The following ZNF84 variants were observed in gnomAD, a reference collection of about 807,000 sequenced individuals.
ZNF84 encodes the protein zinc finger protein 84.
A neutral mutation model predicts 14.8 loss-of-function variants in ZNF84; 12 were observed. The ratio of observed to expected loss-of-function variants is 0.81; its 90% CI spans 0.52 to 1.31. The LOEUF is 1.31. Among genes scored for constraint, ZNF84 ranks in the 50% most tolerant of loss-of-function variants. The pLI, the probability that ZNF84 is intolerant of heterozygous loss-of-function variation, is 0.00. For synonymous variants in ZNF84, 347 were observed against 291.1 expected (o/e 1.19, Z -1.96); for missense variants, 859 against 878.6 (o/e 0.98, Z 0.28).
At chr12:133,051,695 T>C (rs989237504) in intron 4 of ZNF84, among the ~76,000 whole-genome samples, 11 of 152,198 alleles carry the variant, frequency 7.2e-5, no homozygotes, top group Admixed American at 6.5e-5. Flanking sequence ...AGGTCTTTAC[T>C]GGGAGCTGGT....
At chr12:133,042,864 C>T (rs1953909931) in intron 2 of ZNF84, among the ~76,000 whole-genome samples, 1 of 152,170 alleles carries the variant, frequency 6.6e-6, no homozygotes, top group Non-Finnish European at 1.5e-5. Context: ...ATGAAATCAC[C>T]ACTCAGATCA....
At chr12:133,049,570 C>T (rs951846672) in intron 4 of ZNF84, among the ~76,000 whole-genome samples, 35 of 152,112 alleles carry the variant, frequency 2.3e-4, no homozygotes, top group African/African-American at 8.0e-4. Flanking sequence ...TACTCCACCT[C>T]CTAGGTTCAG....
At chr12:133,056,876 T>G (rs1359306314) in intron 4 of ZNF84, 78 bp from the exon 5 acceptor site, 4 of 1,336,972 alleles carry the variant, frequency 3.0e-6, no homozygotes, top group Non-Finnish European at 4.1e-6. Flanking sequence ...CCCCTCAACA[T>G]AGCATTTCTA....
chr12:133,058,904 A>G lies in ZNF84; in HGVS notation c.2189A>G (p.Gln730Arg). ...FSQKSQLINHQRTHTVKKS is the reference protein window; with the variant it reads ...FSQKSQLINHRRTHTVKKS Reference sequence around the variant, plus strand: ...CAGAAGTCACAGCTCATCAATCATCAGAGAACTCATACAGTAAAAAAATCC... The same window carrying G: ...CAGAAGTCACAGCTCATCAATCATCGGAGAACTCATACAGTAAAAAAATCC... Residue 730 changes from glutamine (Q) to arginine (R), a missense_variant, in exon 5 of 5, where the codon CAG becomes CGG. Gln to Arg is a conservative substitution (Grantham distance 43, BLOSUM62 1). Transcript: ENST00000539354. 6.2e-7 allele frequency: 1 copy of G among 1,610,516 alleles called. No homozygotes were observed. The highest frequency in any genetic ancestry group is 8.5e-7 in the Non-Finnish European group (1 of 1,178,554).
chr12:133,041,195 C>T (rs923502284), intron 1 of ZNF84, 83 bp from the exon 2 acceptor site: 4 of 469,122 alleles, frequency 8.5e-6, no homozygotes, highest in South Asian at 4.4e-5. Flanking sequence ...CTTAGATGAT[C>T]GTGAATTCCA....
chr12:133,056,372 G>T (rs1296354456), intron 4 of ZNF84, among the ~76,000 whole-genome samples: 1 of 152,024 alleles, frequency 6.6e-6, no homozygotes, highest in African/African-American at 2.4e-5. Context: ...TCCTGCCTCA[G>T]CCTCCTGAGT....
intron 4 of ZNF84, among the ~76,000 whole-genome samples, chr12:133,053,765 A>AACC: frequency 6.6e-6 from 1 of 152,298 alleles, no homozygotes; most frequent in East Asian, 1.9e-4. Flanking sequence ...TAATATGTTT[A>AACC]TAATGGGGTC....
At chr12:133,055,301 A>ATT (rs1312225706) in intron 4 of ZNF84, among the ~76,000 whole-genome samples, 1 of 152,156 alleles carries the variant, frequency 6.6e-6, no homozygotes, top group Non-Finnish European at 1.5e-5. Flanking sequence ...GAATTGTTTC[A>ATT]TTATATATAT....
intron 3 of ZNF84, 71 bp downstream of exon 3, chr12:133,048,152 G>T: frequency 6.8e-7 from 1 of 1,463,842 alleles, no homozygotes; most frequent in Non-Finnish European, 9.2e-7. Context: ...TTGCTGGGAA[G>T]TTTCAGAAGC....
chr12:133,051,055 G>A (rs1431267038), intron 4 of ZNF84, among the ~76,000 whole-genome samples: 2 of 151,844 alleles, frequency 1.3e-5, no homozygotes, highest in Non-Finnish European at 2.9e-5. Context: ...CTGAGTAGAT[G>A]GGACTACAGG....
chr12:133,043,016 G>A (rs372893357), intron 2 of ZNF84, among the ~76,000 whole-genome samples: 56 of 151,872 alleles, frequency 3.7e-4, no homozygotes, highest in South Asian at 1.9e-3. Flanking sequence ...CTATCTGTGC[G>A]TTCTTAAACA....
chr12:133,047,837 G>T (rs1310104052), intron 2 of ZNF84, 118 bp from the exon 3 acceptor site: 32 of 1,117,676 alleles, frequency 2.9e-5, no homozygotes, highest in Non-Finnish European at 4.2e-5. Context: ...CAAAGGTAGA[G>T]ACATAGTAGG....
chr12:133,043,520 A>C (rs1293487714), intron 2 of ZNF84, among the ~76,000 whole-genome samples: 9 of 152,256 alleles, frequency 5.9e-5, no homozygotes, highest in African/African-American at 2.2e-4. Context: ...TGGGAGTTGC[A>C]AAATGGTGAC....
intron 4 of ZNF84, among the ~76,000 whole-genome samples, chr12:133,049,206 T>C (rs1954034527): frequency 6.6e-6 from 1 of 152,178 alleles, no homozygotes; most frequent in South Asian, 2.1e-4. Flanking sequence ...TGACTTCTTG[T>C]TTGGTATTCT....
Position 133,047,987 on chromosome 12 carries a change from C to T in ZNF84, c.48C>T (p.Asp16=). ...TCTCATTTGACGATTTATCTGTGGA[C>T]TTCACCCAAAAGGAGTGGCAGCTAC... The part of the protein sequence containing the change: ...ESFSFDDLSV[D]FTQKEWQLLD... The change falls in exon 3 of 5, where the codon GAC becomes GAT. Residue 16 remains aspartate (D), a synonymous_variant. Coordinates refer to ENST00000539354, the MANE Select transcript of ZNF84 (RefSeq NM_001289971.2). The T allele has an allele frequency of 3.1e-6, 5 of 1,614,088 alleles. No homozygotes were observed. The South Asian group carries it at 5.5e-5, about 18-fold the overall frequency.
intron 2 of ZNF84, among the ~76,000 whole-genome samples, chr12:133,046,939 TTTATA>T (rs1298339260): frequency 1.0e-3 from 143 of 141,024 alleles, no homozygotes; most frequent in African/African-American, 3.2e-3. Context: ...TAATATAATA[TTTATA>T]TTATATATTA....
chr12:133,062,931 T>C lies in ZNF84; in HGVS notation c.*3999T>C. On this transcript the variant is annotated 3_prime_UTR_variant, in exon 5 of 5. Transcript: ENST00000539354. ...GTTCCTTGTTAATGCCTATTGAATC[T>C]ATATGAACCTGTACGTGTGTTTCTC... is the stretch of plus-strand genomic sequence containing the variant. 1.7e-6 allele frequency: 1 copy of C among 575,056 alleles called. No individual in the cohort carries two copies. The highest frequency in any genetic ancestry group is 3.1e-6 in the Non-Finnish European group (1 of 323,038). The allele number at this position is 575,056 out of a possible 1,614,324, so 35.6% of individuals were successfully genotyped here. A position where few individuals can be genotyped will look rare whatever the true frequency, so the allele number is the denominator to read the frequency against.
chr12:133,050,725 T>C (rs1211868715), intron 4 of ZNF84: 1 of 394,866 alleles, frequency 2.5e-6, no homozygotes, highest in Admixed American at 4.4e-5. Context: ...ATTTATGAAA[T>C]GTTCCTTTAC....
At chr12:133,039,249 A>G (rs1313154957) in intron 1 of ZNF84, among the ~76,000 whole-genome samples, 1 of 152,218 alleles carries the variant, frequency 6.6e-6, no homozygotes, top group African/African-American at 2.4e-5. Context: ...AACCACAAAA[A>G]GGCATGAAAA....
Sources: allele counts gnomAD v4.1 joint callset (sites outside exome capture counted in the v4.1 genomes callset), GRCh38; gene constraint gnomAD v4.1.1; transcripts MANE v1.5; gene names NCBI Gene and HGNC (gene_info 2026-07-23, HGNC 2026-07-21).